WFDC11: variants seen among roughly 807,000 people sequenced by gnomAD.
The protein encoded by WFDC11 is protein WFDC11.
In WFDC11, 9 loss-of-function variants were observed where a neutral mutation model predicts 9.9. That is an observed-to-expected ratio of 0.91 (90% CI 0.55 to 1.58). WFDC11 has a LOEUF of 1.58. Among genes scored for constraint, WFDC11 ranks in the 40% most tolerant of loss-of-function variants. WFDC11 has a pLI of 0.00. For synonymous variants in WFDC11, 32 were observed against 33.3 expected, an observed-to-expected ratio of 0.96 and a Z score of 0.13; for missense variants, 106 against 101.7, an observed-to-expected ratio of 1.04 and a Z score of -0.18.
At position 45,650,534 on chromosome 20, in the gene WFDC11, C is replaced by T; in HGVS notation, c.67G>A (p.Val23Met). The T allele has an allele frequency of 6.2e-7, 1 of 1,614,102 alleles. No homozygotes were observed. The highest frequency in any genetic ancestry group is 2.2e-5 in the East Asian group (1 of 44,878). ...CTTTTCTTCCTCATTTCTCCCAGCA[C>T]AGACAGTAGCACCGTACAGAAGAAT... is the stretch of plus-strand genomic sequence containing the variant. ...MTFFCTVLLSVLGEMRKKRYD... is the reference protein window; with the variant it reads ...MTFFCTVLLSMLGEMRKKRYD... Residue 23 changes from valine to methionine, a missense_variant, in exon 3 of 5, where the codon GTG (valine) becomes ATG (methionine). Coordinates refer to ENST00000324384, the MANE Select transcript of WFDC11 (RefSeq NM_147197.2).
intron 2 of WFDC11, among the ~76,000 whole-genome samples, chr20:45,665,997 T>C (rs1236927097): frequency 6.6e-6 from 1 of 152,222 alleles, no homozygotes; most frequent in South Asian, 2.1e-4. Flanking sequence ...AGTTGTCTGT[T>C]GCCTTTTGTT....
rs142952145 is a variant in WFDC11 at position 45,669,088 on chromosome 20, G to A, written c.-134+1090C>T. 3.1e-4 allele frequency among the ~76,000 whole-genome samples: 47 copies of A among 152,208 alleles called. No homozygotes were observed. In the East Asian group the frequency reaches 6.0e-3, roughly 19 times the overall value. On this transcript the variant is annotated intron_variant, in intron 1 of 4. Transcript: ENST00000324384. The stretch of plus-strand genomic sequence containing the variant: ...ATTCAGAGGATTCAGATGGTAGGTC[G>A]GAGGAGCCAGCAGGCTATTGACTAT...
intron 2 of WFDC11, 71 bp from the exon 3 acceptor site, chr20:45,650,722 A>G (rs1350222937): frequency 5.1e-6 from 4 of 791,324 alleles, no homozygotes; most frequent in Non-Finnish European, 8.4e-6. Flanking sequence ...GAATTTCTTC[A>G]TTCTTTATCT....
In WFDC11 at chr20:45,648,889, G is replaced by T. The variant is rs73304831; in HGVS notation, c.244-150C>A. 3.8e-3 allele frequency: 3,373 copies of T among 884,124 alleles called. 77 individuals carry two copies. The African/African-American group carries it at 0.05, about 13-fold the overall frequency. The allele number at this position is 884,124 out of a possible 1,614,324, so 54.8% of individuals were successfully genotyped here. A position where few individuals can be genotyped will look rare whatever the true frequency, so the allele number is the denominator to read the frequency against. ...AGGAGTTGTCCACTTCTGAGTAGGT[G>T]AGGTATTGGACAAAAAAAGGTGGAG... On this transcript the variant is annotated intron_variant, in intron 4 of 4. Transcript: ENST00000324384.
chr20:45,660,774 C>T (rs1034509070), intron 2 of WFDC11, among the ~76,000 whole-genome samples: 4 of 152,156 alleles, frequency 2.6e-5, no homozygotes, highest in Non-Finnish European at 4.4e-5. Context: ...GCATAGTATT[C>T]CATGGTGTAT....
Position 45,662,383 on chromosome 20 carries a change from G to C in WFDC11, c.-52+4705C>G, listed in dbSNP as rs6065856. ...CTGCAAACAGGGACAATTTGACTTC[G>C]TCTTTTCCTAATTGAATACACTTTA... On this transcript the variant is annotated intron_variant, in intron 2 of 4. Transcript: ENST00000324384. 4.1e-4 allele frequency among the ~76,000 whole-genome samples: 62 copies of C among 152,010 alleles called. 1 individual carries two copies. Among genetic ancestry groups the C allele is most frequent in the South Asian group, 1.7e-3 (8 of 4,812 alleles).
At chr20:45,650,088 A>G (rs1389433805) in intron 3 of WFDC11, among the ~76,000 whole-genome samples, 3 of 152,190 alleles carry the variant, frequency 2.0e-5, no homozygotes, top group Admixed American at 2.0e-4. Flanking sequence ...ATGACAAAGT[A>G]TATGCAGCTA....
chr20:45,662,066 C>G (rs1177536137), intron 2 of WFDC11, among the ~76,000 whole-genome samples: 2 of 151,810 alleles, frequency 1.3e-5, no homozygotes, highest in East Asian at 3.8e-4. Flanking sequence ...AATGTTCTTC[C>G]ATTTGTTTGT....
rs1311302295 is a variant in WFDC11 at position 45,649,360 on chromosome 20, T to C, written c.140A>G (p.Asn47Ser). The C allele has an allele frequency of 6.2e-7, 1 of 1,614,152 alleles. No homozygotes were observed. The highest frequency in any genetic ancestry group is 2.2e-5 in the East Asian group (1 of 44,882). Residue 47 changes from asparagine (N) to serine (S), a missense_variant, in exon 4 of 5, where the codon AAT (asparagine) becomes AGT (serine). Asn to Ser is a conservative substitution (Grantham distance 46). Transcript: ENST00000324384. ...ACACTTATTGGTACATTCTTTGACA[T>C]TTGGCTTTCCCCAGCATTCTTCAAG... ...LLLEECWGKP[N>S]VKECTNKCSK...
At chr20:45,656,882 G>C (rs1466223298) in intron 2 of WFDC11, among the ~76,000 whole-genome samples, 1 of 152,208 alleles carries the variant, frequency 6.6e-6, no homozygotes, top group Non-Finnish European at 1.5e-5. Flanking sequence ...ACCACAATGG[G>C]ATACCATCTC....
chr20:45,655,226 T>A (rs369920634), intron 2 of WFDC11, among the ~76,000 whole-genome samples: 1 of 152,324 alleles, frequency 6.6e-6, no homozygotes, highest in East Asian at 1.9e-4. Context: ...TCAAAAAGCT[T>A]ATCCACCATG....
chr20:45,658,909 C>A (rs1020353596), intron 2 of WFDC11, among the ~76,000 whole-genome samples: 66 of 151,796 alleles, frequency 4.3e-4, no homozygotes, highest in Non-Finnish European at 7.4e-4. Flanking sequence ...TGATGCCCAC[C>A]CCCCCGTCCA....
chr20:45,665,397 C>T (rs1402275002), intron 2 of WFDC11, among the ~76,000 whole-genome samples: 2 of 151,866 alleles, frequency 1.3e-5, no homozygotes, highest in African/African-American at 4.8e-5. Context: ...TTATTATAGA[C>T]CTTCTGAAGC....
At position 45,648,637 on chromosome 20, in the gene WFDC11, A is replaced by G; in HGVS notation, c.*82T>C. ...AGTAAAAATAGACTGGTGTTCCTAA[A>G]AGTAGCCACAGGGTACTACTATGAG... On this transcript the variant is annotated 3_prime_UTR_variant, in exon 5 of 5. Transcript: ENST00000324384. 6.9e-7 allele frequency: 1 copy of G among 1,456,886 alleles called. No homozygotes were observed. The highest frequency in any genetic ancestry group is 9.6e-7 in the Non-Finnish European group (1 of 1,046,328). 90.2% of individuals were successfully genotyped at this position (1,456,886 alleles called of 1,614,324 possible). A position where few individuals can be genotyped will look rare whatever the true frequency, so the allele number is the denominator to read the frequency against.
chr20:45,655,272 T>C (rs138389464), intron 2 of WFDC11, among the ~76,000 whole-genome samples: 2,126 of 152,214 alleles, frequency 0.014, 88 homozygotes, highest in Admixed American at 0.099. Context: ...GCAAGGCTGG[T>C]TCAACATATG....
At chr20:45,662,720 G>T (rs916921067) in intron 2 of WFDC11, among the ~76,000 whole-genome samples, 16 of 152,178 alleles carry the variant, frequency 1.1e-4, no homozygotes, top group Non-Finnish European at 1.8e-4. Context: ...GATGGATTAC[G>T]TTTATTGATT....
At chr20:45,663,659 T>C (rs1983123282) in intron 2 of WFDC11, among the ~76,000 whole-genome samples, 2 of 152,228 alleles carry the variant, frequency 1.3e-5, no homozygotes, top group Non-Finnish European at 2.9e-5. Flanking sequence ...AGAACATCTT[T>C]ATTTCTGCCT....
rs1167321166 is a variant in WFDC11, at chr20:45,654,996, C to T, written c.-51-4345G>A. Among the ~76,000 whole-genome samples the T allele has an allele frequency of 2.0e-5, 3 of 152,260 alleles. No individual in the cohort carries two copies. The East Asian group carries it at 5.8e-4, about 29-fold the overall frequency. ...AGATGGATTCACAGCCAAATTCTAC[C>T]AGAGGTACAAGGAGAAGCTGGTACC... On this transcript the variant is annotated intron_variant, in intron 2 of 4. Coordinates refer to ENST00000324384, the MANE Select transcript of WFDC11 (RefSeq NM_147197.2).
At chr20:45,652,203 C>T (rs1243074617) in intron 2 of WFDC11, among the ~76,000 whole-genome samples, 1 of 152,206 alleles carries the variant, frequency 6.6e-6, no homozygotes, top group Admixed American at 6.5e-5. Flanking sequence ...AGACTGACAC[C>T]TCACACAGCT....
Sources: gnomAD v4.1 joint callset for allele counts (sites outside exome capture counted in the v4.1 genomes callset) on GRCh38, gnomAD v4.1.1 for gene constraint, MANE v1.5 for transcripts, NCBI Gene and HGNC (gene_info 2026-07-23, HGNC 2026-07-21) for gene names.